Variants in IGSF21 observed in about 807,000 individuals in gnomAD.
The protein encoded by IGSF21 is immunoglobin superfamily member 21, also known as immunoglobulin superfamily member 21.
A neutral mutation model predicts 46.8 loss-of-function variants in IGSF21; 28 were observed. The ratio of observed to expected loss-of-function variants is 0.60; its 90% CI spans 0.44 to 0.82. IGSF21 has a LOEUF of 0.82. Ranked by LOEUF, IGSF21 falls within the 40% of genes least tolerant of loss-of-function variation. IGSF21 has a pLI of 0.00. For synonymous variants in IGSF21, 284 were observed against 273.6 expected, an observed-to-expected ratio of 1.04 and a Z score of -0.38; for missense variants, 624 against 665.5, an observed-to-expected ratio of 0.94 and a Z score of 0.69.
chr1:18,328,730 G>A (rs182799130), intron 3 of IGSF21, among the ~76,000 whole-genome samples: 1 of 152,148 alleles, frequency 6.6e-6, no homozygotes, highest in Non-Finnish European at 1.5e-5. Context: ...TGGATCACTT[G>A]GTTCTTCAAC....
At chr1:18,318,279 C>T (rs1022673892) in intron 3 of IGSF21, among the ~76,000 whole-genome samples, 2 of 152,154 alleles carry the variant, frequency 1.3e-5, no homozygotes, top group African/African-American at 4.8e-5. Flanking sequence ...TCCTTATTCT[C>T]ACCTTGCCCT....
chr1:18,297,243 G>A (rs1325414187), intron 3 of IGSF21, among the ~76,000 whole-genome samples: 1 of 152,124 alleles, frequency 6.6e-6, no homozygotes, highest in Non-Finnish European at 1.5e-5. Context: ...ATATCTGTGG[G>A]GTGAATGAGT....
chr1:18,175,685 C>T (rs2086788463), intron 1 of IGSF21, among the ~76,000 whole-genome samples: 1 of 152,122 alleles, frequency 6.6e-6, no homozygotes, highest in African/African-American at 2.4e-5. Flanking sequence ...CCTTCCTTCC[C>T]ACGAGGACTC....
intron 2 of IGSF21, among the ~76,000 whole-genome samples, chr1:18,285,576 G>A (rs961287318): frequency 6.6e-6 from 1 of 152,200 alleles, no homozygotes; most frequent in Non-Finnish European, 1.5e-5. Context: ...GAACAGTGCA[G>A]AGACAACCTT....
intron 3 of IGSF21, among the ~76,000 whole-genome samples, chr1:18,332,553 G>T (rs1324411084): frequency 1.3e-5 from 2 of 151,604 alleles, no homozygotes; most frequent in African/African-American, 4.9e-5. Context: ...ACTCAGTAAT[G>T]GCGCCTGGTA....
intron 2 of IGSF21, among the ~76,000 whole-genome samples, chr1:18,266,524 A>G (rs1263101170): frequency 6.6e-6 from 1 of 152,202 alleles, no homozygotes; most frequent in Non-Finnish European, 1.5e-5. Context: ...CACTGGGACA[A>G]CAGGAGTGAC....
chr1:18,274,308 A>G (rs951801133), intron 2 of IGSF21, among the ~76,000 whole-genome samples: 20 of 152,356 alleles, frequency 1.3e-4, no homozygotes, highest in African/African-American at 4.8e-4. Flanking sequence ...CCTGGGCTCA[A>G]GAAGTAAGTA....
intron 2 of IGSF21, among the ~76,000 whole-genome samples, chr1:18,281,936 G>T (rs114691921): frequency 6.6e-6 from 1 of 152,170 alleles, no homozygotes; most frequent in African/African-American, 2.4e-5. Flanking sequence ...TGGAAAGAGG[G>T]TGTGCTTCGG....
chr1:18,143,090 A>T (rs1441380562), intron 1 of IGSF21, among the ~76,000 whole-genome samples: 1 of 152,200 alleles, frequency 6.6e-6, no homozygotes, highest in Non-Finnish European at 1.5e-5. Flanking sequence ...CAGGCCTAGT[A>T]ACAGCAGATG....
intron 4 of IGSF21, among the ~76,000 whole-genome samples, chr1:18,340,473 G>C (rs1453490450): frequency 2.6e-5 from 4 of 152,206 alleles, no homozygotes; most frequent in Non-Finnish European, 5.9e-5. Context: ...GCATTCCCCA[G>C]GTGCCAGGCA....
intron 2 of IGSF21, among the ~76,000 whole-genome samples, chr1:18,252,754 T>C (rs990615890): frequency 6.6e-6 from 1 of 152,184 alleles, no homozygotes; most frequent in African/African-American, 2.4e-5. Flanking sequence ...AGAAACAATA[T>C]ACGGGGGCCG....
At chr1:18,120,996 C>T (rs16861578) in intron 1 of IGSF21, among the ~76,000 whole-genome samples, 6 of 152,206 alleles carry the variant, frequency 3.9e-5, no homozygotes, top group Admixed American at 2.0e-4. Context: ...CTATTTCACA[C>T]GGAGACGTTC....
intron 1 of IGSF21, among the ~76,000 whole-genome samples, chr1:18,186,645 G>T (rs1331263697): frequency 6.6e-6 from 1 of 152,124 alleles, no homozygotes; most frequent in African/African-American, 2.4e-5. Flanking sequence ...ACACTCATCT[G>T]ATCGTCCCCC....
At chr1:18,312,952 CTG>C (rs1316047866) in intron 3 of IGSF21, among the ~76,000 whole-genome samples, 6 of 152,204 alleles carry the variant, frequency 3.9e-5, no homozygotes, top group Non-Finnish European at 8.8e-5. Context: ...TTCTTTCTTT[CTG>C]TGTCTCTAGT....
chr1:18,139,023 A>T (rs1037859817), intron 1 of IGSF21, among the ~76,000 whole-genome samples: 1 of 152,018 alleles, frequency 6.6e-6, no homozygotes, highest in East Asian at 1.9e-4. Context: ...GTTAAAACCC[A>T]CATCCTTACC....
At chr1:18,241,267 A>G (rs2084724977) in intron 2 of IGSF21, among the ~76,000 whole-genome samples, 1 of 152,212 alleles carries the variant, frequency 6.6e-6, no homozygotes, top group South Asian at 2.1e-4. Context: ...CTTAGGATAC[A>G]GACAAATATC....
At chr1:18,204,858 GGAGTTTAT>G (rs991593761) in intron 1 of IGSF21, among the ~76,000 whole-genome samples, 2 of 152,156 alleles carry the variant, frequency 1.3e-5, no homozygotes, top group Admixed American at 1.3e-4. Flanking sequence ...GTTGGGCTTG[GGAGTTTAT>G]GACTTGCAGA....
At chr1:18,193,907 A>G (rs1214230855) in intron 1 of IGSF21, among the ~76,000 whole-genome samples, 3 of 152,130 alleles carry the variant, frequency 2.0e-5, no homozygotes, top group African/African-American at 7.2e-5. Flanking sequence ...TTTCCCCCTG[A>G]GTGTGTGTCT....
chr1:18,208,422 C>T (rs1173135288), intron 1 of IGSF21, among the ~76,000 whole-genome samples: 1 of 102,722 alleles, frequency 9.7e-6, no homozygotes, highest in Non-Finnish European at 2.2e-5. Context: ...CTTGCTGTCT[C>T]CCAGGCTGGA....
Sources: allele counts gnomAD v4.1 joint callset (sites outside exome capture counted in the v4.1 genomes callset), GRCh38; gene constraint gnomAD v4.1.1; transcripts MANE v1.5; gene names NCBI Gene and HGNC (gene_info 2026-07-23, HGNC 2026-07-21).